Variants in EPB42 observed in about 807,000 individuals in gnomAD.
EPB42 encodes the protein erythrocyte membrane protein band 4.2.
A neutral mutation model predicts 76.9 loss-of-function variants in EPB42; 49 were observed. The ratio of observed to expected loss-of-function variants is 0.64; its 90% CI spans 0.51 to 0.81. EPB42 has a LOEUF of 0.81. EPB42 is among the 30% of genes least tolerant of loss of function. The probability of loss-of-function intolerance (pLI) is 0.00; values close to 1 mark genes in which losing one functional copy is unlikely to be tolerated. For missense variants in EPB42, 731 were observed against 867.6 expected (o/e 0.84, Z 1.98); for synonymous variants, 310 against 338.4 (o/e 0.92, Z 0.92).
chr15:43,206,537 T>A lies in EPB42; in HGVS notation c.1411A>T (p.Thr471Ser), dbSNP rs768301203. ...AAGAGCAGGTACAGAGGACTGGCAG[T>A]CTCGAGACTGGGAGGACGGATGCCG... ...DNGIRPPSLETASPLYLLLKA... is the reference protein window; with the variant it reads ...DNGIRPPSLESASPLYLLLKA... The change falls in exon 10 of 13, where the codon ACT (threonine) becomes TCT (serine). Residue 471 changes from threonine (T) to serine (S), a missense_variant. By Grantham distance (58) the Thr-to-Ser change is moderately conservative (BLOSUM62 1). Transcript: ENST00000441366. This position sits in a 1 kb window ranked among gnomAD's most constrained non-coding sequence, Gnocchi z 4.7. The A allele has an allele frequency of 1.2e-6, 2 of 1,614,166 alleles. No individual in the cohort carries two copies. The highest frequency in any genetic ancestry group is 1.7e-6 in the Non-Finnish European group (2 of 1,180,030).
intron 4 of EPB42, 106 bp from the exon 5 acceptor site, chr15:43,210,545 C>G: frequency 9.7e-7 from 1 of 1,031,156 alleles, no homozygotes; most frequent in Non-Finnish European, 1.5e-6. Flanking sequence ...ATCATCTCGT[C>G]CTTCTCCCAG....
chr15:43,214,753 C>T (rs765815466), intron 3 of EPB42, among the ~76,000 whole-genome samples: 1 of 152,140 alleles, frequency 6.6e-6, no homozygotes, highest in Non-Finnish European at 1.5e-5. Context: ...CTCACCCCTG[C>T]ACTGTTATAA....
At chr15:43,220,770 G>A (rs774130677) in intron 1 of EPB42, 46 bp downstream of exon 1, 11 of 1,613,282 alleles carry the variant, frequency 6.8e-6, no homozygotes, top group Non-Finnish European at 7.6e-6. Flanking sequence ...TGCTGCGGGG[G>A]CTGCATACAG....
At chr15:43,214,405 G>A (rs1031538907) in intron 3 of EPB42, among the ~76,000 whole-genome samples, 14 of 152,240 alleles carry the variant, frequency 9.2e-5, no homozygotes, top group Middle Eastern at 3.4e-3. Flanking sequence ...CTGGTGAACC[G>A]TAGGGTCCTG....
At position 43,220,806 on chromosome 15, in the gene EPB42, C is replaced by T. The variant is rs376556909; in HGVS notation, c.10+10G>A. ...TCCAGCAAGCCCTGTCGAGCGCTGG[C>T]TTGGCTCACCCTGTCCCATGGTTGC... On this transcript the variant is annotated intron_variant, in intron 1 of 12. Coordinates refer to ENST00000441366, the MANE Select transcript of EPB42 (RefSeq NM_001114134.2). The T allele has an allele frequency of 6.8e-6, 11 of 1,612,428 alleles. No homozygotes were observed. In the South Asian group the frequency reaches 9.9e-5, roughly 14 times the overall value.
At chr15:43,209,630 A>C in intron 5 of EPB42, 179 bp from the exon 6 acceptor site, 1 of 672,660 alleles carries the variant, frequency 1.5e-6, no homozygotes, top group Non-Finnish European at 2.5e-6. Flanking sequence ...CCCCTGGGTC[A>C]TAGCTCTAGG....
intron 3 of EPB42, among the ~76,000 whole-genome samples, chr15:43,212,265 A>G (rs2042309932): frequency 6.7e-6 from 1 of 149,658 alleles, no homozygotes; most frequent in South Asian, 2.2e-4. Flanking sequence ...GCTACTTGGG[A>G]GGCTAAGGCA....
rs1335765449 is a variant in EPB42, at chr15:43,214,686, G to T, written c.430+409C>A. 7.2e-5 allele frequency among the ~76,000 whole-genome samples: 11 copies of T among 152,222 alleles called. No individual in the cohort carries two copies. The East Asian group carries it at 1.9e-3, about 27-fold the overall frequency. ...GTGCACTCTGGAAACAGAATAGCCG[G>T]GGAGAGAGAGAGAAGCCCATCCTCA... On this transcript the variant is annotated intron_variant, in intron 3 of 12. Transcript: ENST00000441366.
At position 43,215,094 on chromosome 15, in the gene EPB42, C is replaced by A; in HGVS notation, c.430+1G>T. On this transcript the variant is annotated splice_donor_variant, in intron 3 of 12. Coordinates refer to ENST00000441366, the MANE Select transcript of EPB42 (RefSeq NM_001114134.2). LOFTEE classifies it high-confidence loss of function. ...CCAGGCTGGCCCAGGTCCAAACTTA[C>A]CTCTATTCCAGGGGTTAAAAAGCAG... 6 of 1,613,784 alleles carry A rather than the reference C, an allele frequency of 3.7e-6. No individual in the cohort carries two copies. The highest frequency in any genetic ancestry group is 5.1e-6 in the Non-Finnish European group (6 of 1,179,822).
intron 9 of EPB42, 57 bp downstream of exon 9, chr15:43,207,142 T>C (rs2142283762): frequency 6.2e-7 from 1 of 1,610,944 alleles, no homozygotes; most frequent in South Asian, 1.1e-5. Context: ...GCCCATCCCT[T>C]TCCCTCGCTT....
chr15:43,224,258 T>G (rs2042488512), upstream of EPB42, among the ~76,000 whole-genome samples: 1 of 152,212 alleles, frequency 6.6e-6, no homozygotes, highest in Non-Finnish European at 1.5e-5. Context: ...CCTATTGGAT[T>G]GAAGCCCATT....
chr15:43,197,554 G>A, intron 12 of EPB42, 90 bp from the exon 13 acceptor site: 1 of 1,450,066 alleles, frequency 6.9e-7, no homozygotes, highest in South Asian at 1.2e-5. Context: ...TGCTTGAAGA[G>A]GTGGACCATG....
rs1430501099 is a variant in EPB42 at position 43,211,424 on chromosome 15, A to G, written c.541T>C (p.Phe181Leu). The change falls in exon 4 of 13, where the codon TTT (phenylalanine) becomes CTT (leucine). Residue 181 changes from phenylalanine to leucine, a missense_variant. Transcript: ENST00000441366. ...ADCIQAESWD[F>L]GQFEGDVIDL... ...CTAGAGGGCCCTGGTACCTGGCCAA[A>G]GTCCCAGGACTCTGCCTGGATGCAG... 7 of 1,609,192 alleles carry G rather than the reference A, an allele frequency of 4.4e-6. No individual in the cohort carries two copies. The highest frequency in any genetic ancestry group is 6.0e-6 in the Non-Finnish European group (7 of 1,175,556).
At chr15:43,198,852 C>T (rs1033868934) in intron 12 of EPB42, among the ~76,000 whole-genome samples, 10 of 152,200 alleles carry the variant, frequency 6.6e-5, no homozygotes, top group African/African-American at 2.4e-4. Flanking sequence ...CCAGCCACTC[C>T]AGCCATGGCT....
At chr15:43,210,205 GT>G (rs2042271827) in intron 5 of EPB42, 129 bp downstream of exon 5, 1 of 826,818 alleles carries the variant, frequency 1.2e-6, no homozygotes, top group Admixed American at 1.7e-5. Flanking sequence ...TGTAGGAACT[GT>G]CCCCACACCC....
chr15:43,207,118 G>A, intron 9 of EPB42, 81 bp downstream of exon 9: 1 of 1,592,386 alleles, frequency 6.3e-7, no homozygotes, highest in Non-Finnish European at 8.6e-7. Flanking sequence ...TCTCTTTCTG[G>A]CTGCATCTAC....
chr15:43,211,380 C>A, intron 4 of EPB42, 36 bp downstream of exon 4: 1 of 1,289,220 alleles, frequency 7.8e-7, no homozygotes, highest in South Asian at 1.2e-5. Flanking sequence ...ATGGGACAGT[C>A]ACTCTACACA....
chr15:43,204,999 A>C (rs1191294778), intron 10 of EPB42, among the ~76,000 whole-genome samples: 1 of 116,454 alleles, frequency 8.6e-6, no homozygotes, highest in Non-Finnish European at 1.6e-5. Context: ...AAGATGACTC[A>C]ATGTGCAGCT....
At chr15:43,210,238 G>A in intron 5 of EPB42, 97 bp downstream of exon 5, 1 of 1,070,888 alleles carries the variant, frequency 9.3e-7, no homozygotes, top group Non-Finnish European at 1.4e-6. Flanking sequence ...GGCCATTTGT[G>A]ATTTGGGGGT....
Sources: gnomAD v4.1 joint callset for allele counts (sites outside exome capture counted in the v4.1 genomes callset) on GRCh38, gnomAD v4.1.1 for gene constraint, Gnocchi (gnomAD v3.1) non-coding constraint, MANE v1.5 for transcripts, NCBI Gene and HGNC (gene_info 2026-07-23, HGNC 2026-07-21) for gene names.